CUX1: variants seen among roughly 807,000 people sequenced by gnomAD.
The protein encoded by CUX1 is cut like homeobox 1, also known as protein CASP.
A neutral mutation model predicts 158.8 loss-of-function variants in CUX1; 31 were observed. The observed-to-expected ratio is 0.20, with a 90% confidence interval of 0.15 to 0.26. The LOEUF (loss-of-function observed/expected upper bound fraction) is 0.26, where lower values mean the gene tolerates loss of function less well. Among genes scored for constraint, CUX1 ranks in the 10% least tolerant of loss-of-function variants. CUX1 has a pLI of 1.00. For missense variants in CUX1, 1,589 were observed against 2,014.6 expected (o/e 0.79, Z 4.04); for synonymous variants, 879 against 862.1 (o/e 1.02, Z -0.34).
chr7:101,979,800 C>G (rs1813190598), intron 2 of CUX1, among the ~76,000 whole-genome samples: 1 of 152,180 alleles, frequency 6.6e-6, no homozygotes, highest in South Asian at 2.1e-4. Context: ...CAGGTGCCCA[C>G]CACCATGCCC....
intron 12 of CUX1, among the ~76,000 whole-genome samples, chr7:102,192,359 G>C (rs1381298281): frequency 6.6e-6 from 1 of 152,150 alleles, no homozygotes; most frequent in Non-Finnish European, 1.5e-5. Context: ...CCTATTACCT[G>C]TAATGGCCTG....
At chr7:102,276,460 C>A (rs1287835420) in intron 17 of CUX1, among the ~76,000 whole-genome samples, 1 of 152,184 alleles carries the variant, frequency 6.6e-6, no homozygotes, top group African/African-American at 2.4e-5. Context: ...TGCCATCACA[C>A]CCAGCTAATT....
At chr7:102,247,453 A>G (rs562782238) in intron 23 of CUX1, among the ~76,000 whole-genome samples, 19 of 152,332 alleles carry the variant, frequency 1.2e-4, no homozygotes, top group African/African-American at 4.6e-4. Flanking sequence ...GCCTGGGTGT[A>G]CAAAGAATAA....
intron 1 of CUX1, among the ~76,000 whole-genome samples, chr7:101,832,742 A>T (rs1724374588): frequency 6.6e-6 from 1 of 152,214 alleles, no homozygotes; most frequent in Non-Finnish European, 1.5e-5. Context: ...ACCTGGTGGC[A>T]AGGCAGGTAC....
intron 3 of CUX1, among the ~76,000 whole-genome samples, chr7:102,064,079 T>C (rs1260069816): frequency 3.3e-5 from 5 of 151,758 alleles, no homozygotes; most frequent in Admixed American, 6.6e-5. Flanking sequence ...GTGGCAGGAG[T>C]GTGAGGCATG....
chr7:102,047,720 A>G (rs1227305040), intron 3 of CUX1, among the ~76,000 whole-genome samples: 2 of 152,178 alleles, frequency 1.3e-5, no homozygotes, highest in African/African-American at 4.8e-5. Context: ...TATTTATTTG[A>G]CTATCGTGGA....
intron 21 of CUX1, chr7:102,282,038 A>G (rs2132851665): frequency 1.3e-6 from 1 of 756,084 alleles, no homozygotes; most frequent in Non-Finnish European, 2.3e-6. Context: ...CTGCATCTCT[A>G]GCTTGCGGCC....
chr7:102,198,890 C>A (rs368329885), intron 16 of CUX1, 23 bp downstream of exon 16: 57 of 1,609,208 alleles, frequency 3.5e-5, no homozygotes, highest in Non-Finnish European at 4.8e-5. Context: ...CAGGCGTTTT[C>A]TTTGCAGTCA....
intron 1 of CUX1, among the ~76,000 whole-genome samples, chr7:101,894,210 C>A (rs1236090765): frequency 1.3e-5 from 2 of 152,232 alleles, no homozygotes; most frequent in Non-Finnish European, 2.9e-5. Flanking sequence ...AATTAGCTAA[C>A]AAGGATGGGA....
intron 3 of CUX1, among the ~76,000 whole-genome samples, chr7:102,064,491 C>G (rs928601016): frequency 6.6e-6 from 1 of 151,920 alleles, no homozygotes; most frequent in African/African-American, 2.4e-5. Flanking sequence ...TCACAGATCC[C>G]TCCCCTTCTC....
At chr7:101,905,347 T>C (rs1802633690) in intron 1 of CUX1, among the ~76,000 whole-genome samples, 1 of 152,176 alleles carries the variant, frequency 6.6e-6, no homozygotes, top group African/African-American at 2.4e-5. Flanking sequence ...TCTGCCCTCA[T>C]CTGTGGGGCC....
At chr7:102,004,104 A>G (rs1318875428) in intron 2 of CUX1, among the ~76,000 whole-genome samples, 3 of 152,254 alleles carry the variant, frequency 2.0e-5, no homozygotes, top group Non-Finnish European at 1.5e-5. Flanking sequence ...AGATTTTCCC[A>G]GTAGCACAAG....
exon 18 of CUX1, chr7:102,277,979 G>T (rs142767232): frequency 1.9e-6 from 3 of 1,591,222 alleles, no homozygotes; most frequent in African/African-American, 2.7e-5. Flanking sequence ...CACCCTCCAG[G>T]CCCTGCAGAG....
chr7:102,217,909 A>G (rs1554525472), intron 20 of CUX1, among the ~76,000 whole-genome samples: 2 of 151,294 alleles, frequency 1.3e-5, no homozygotes, highest in Non-Finnish European at 3.0e-5. Flanking sequence ...ATCTGGATGG[A>G]CACGATGGTG....
intron 2 of CUX1, among the ~76,000 whole-genome samples, chr7:101,923,262 G>A (rs912951792): frequency 6.6e-6 from 1 of 152,204 alleles, no homozygotes; most frequent in East Asian, 1.9e-4. Flanking sequence ...TGAATGTGAT[G>A]CTCAACTCTC....
At chr7:102,141,955 A>C (rs1834517688) in intron 8 of CUX1, among the ~76,000 whole-genome samples, 1 of 151,682 alleles carries the variant, frequency 6.6e-6, no homozygotes, top group Non-Finnish European at 1.5e-5. Context: ...CCTTTCCTTA[A>C]CACTTCCTAC....
At chr7:101,941,413 G>A (rs932499819) in intron 2 of CUX1, among the ~76,000 whole-genome samples, 5 of 152,230 alleles carry the variant, frequency 3.3e-5, no homozygotes, top group African/African-American at 1.2e-4. Flanking sequence ...GTCTCTGAGG[G>A]ATACCTGGCT....
Position 101,872,893 on chromosome 7 carries a change from G to C in CUX1, c.31-43222G>C, listed in dbSNP as rs141710184. ...CTTTTTTATTTTTTATTTTTTTTGA[G>C]ACGGAGTCTCGCTCTGTCACCCGGG... On this transcript the variant is annotated intron_variant, in intron 1 of 23. Transcript: ENST00000292535. 2.3e-3 allele frequency among the ~76,000 whole-genome samples: 344 copies of C among 151,484 alleles called. 2 individuals are homozygous for C. Among genetic ancestry groups the C allele is most frequent in the African/African-American group, 7.7e-3 (319 of 41,336 alleles).
intron 20 of CUX1, among the ~76,000 whole-genome samples, chr7:102,221,100 C>T (rs1563435136): frequency 6.6e-6 from 1 of 152,196 alleles, no homozygotes; most frequent in Non-Finnish European, 1.5e-5. Flanking sequence ...CCCGCCCTTC[C>T]ATACGTGTCT....
Sources: gnomAD v4.1 joint callset for allele counts (sites outside exome capture counted in the v4.1 genomes callset) on GRCh38, gnomAD v4.1.1 for gene constraint, MANE v1.5 for transcripts, NCBI Gene and HGNC (gene_info 2026-07-23, HGNC 2026-07-21) for gene names.